Variants in SLC66A2 observed in about 807,000 individuals in gnomAD.
SLC66A2 encodes the protein PQ loop repeat containing 1.
Under a neutral mutation model 25.5 loss-of-function variants are expected in SLC66A2, and 23 were observed. The ratio of observed to expected loss-of-function variants is 0.90; its 90% CI spans 0.65 to 1.28. The LOEUF is 1.28. Ranked by LOEUF, SLC66A2 falls within the 50% of genes most tolerant of loss-of-function variation. The pLI, the probability that SLC66A2 is intolerant of heterozygous loss-of-function variation, is 0.00. For synonymous variants in SLC66A2, 193 were observed against 166.5 expected, an observed-to-expected ratio of 1.16 and a Z score of -1.23; for missense variants, 396 against 373.1, an observed-to-expected ratio of 1.06 and a Z score of -0.51.
chr18:79,923,434 TG>T (rs1388480043), intron 4 of SLC66A2, among the ~76,000 whole-genome samples: 1 of 151,996 alleles, frequency 6.6e-6, no homozygotes, highest in East Asian at 1.9e-4. Flanking sequence ...TTAAGAGACT[TG>T]GGAAAGCCAG....
rs1419034139 is a variant in SLC66A2 at position 79,918,467 on chromosome 18, T to G, written c.608+717A>C. 5.9e-5 allele frequency among the ~76,000 whole-genome samples: 8 copies of G among 135,184 alleles called. No individual in the cohort carries two copies. The highest frequency in any genetic ancestry group is 1.3e-4 in the African/African-American group (5 of 37,218). 88.7% of individuals were successfully genotyped at this position (135,184 alleles called of 152,430 possible). A position where few individuals can be genotyped will look rare whatever the true frequency, so the allele number is the denominator to read the frequency against. On this transcript the variant is annotated intron_variant, in intron 5 of 5. Transcript: ENST00000397778. The surrounding 1 kb of genome is among the most constrained non-coding windows in gnomAD (Gnocchi z 4.0). ...AGCGGGCACCGGGGAGGGTCCCCAGTGAGGAGCGGCACCGGGGGGTCCCCA... is the reference window on the plus strand; with the variant it reads ...AGCGGGCACCGGGGAGGGTCCCCAGGGAGGAGCGGCACCGGGGGGTCCCCA...
chr18:79,950,444 T>G (rs572535212), intron 2 of SLC66A2, among the ~76,000 whole-genome samples: 1 of 152,334 alleles, frequency 6.6e-6, no homozygotes, highest in South Asian at 2.1e-4. Flanking sequence ...AGTGCCCAGC[T>G]GAGAGGTCCC....
intron 2 of SLC66A2, 161 bp from the exon 3 acceptor site, chr18:79,943,623 A>G (rs1987907569): frequency 1.0e-5 from 8 of 768,830 alleles, no homozygotes; most frequent in Non-Finnish European, 1.6e-5. Flanking sequence ...AGGCCCACCC[A>G]CATCGCCTCT....
chr18:79,913,681 C>T (rs1242816289), intron 5 of SLC66A2, among the ~76,000 whole-genome samples: 2 of 152,186 alleles, frequency 1.3e-5, no homozygotes, highest in African/African-American at 2.4e-5. Context: ...CAGGACTTTC[C>T]AGAAGCAGGG....
In SLC66A2 at chr18:79,950,981, G is replaced by A. The variant is rs1168910265; in HGVS notation, c.-55C>T. ...GGGCTCCGCGCCCCGCGGGCCACCG[G>A]CCGCCTGCTCATCGCCGCTCCGCGC... is the stretch of plus-strand genomic sequence containing the variant. On this transcript the variant is annotated 5_prime_UTR_variant, in exon 2 of 6. Coordinates refer to ENST00000397778, the MANE Select transcript of SLC66A2 (RefSeq NM_025078.5). The A allele has an allele frequency of 3.2e-5, 44 of 1,361,256 alleles. No individual in the cohort carries two copies. The Admixed American group carries it at 1.3e-3, about 40-fold the overall frequency. 84.3% of individuals were successfully genotyped at this position (1,361,256 alleles called of 1,614,324 possible). A position where few individuals can be genotyped will look rare whatever the true frequency, so the allele number is the denominator to read the frequency against.
At chr18:79,942,852 C>T (rs1482555552) in intron 3 of SLC66A2, among the ~76,000 whole-genome samples, 2 of 152,206 alleles carry the variant, frequency 1.3e-5, no homozygotes, top group South Asian at 2.1e-4. Context: ...AAAGGGGCTG[C>T]CTGACCCTGC....
chr18:79,925,424 TA>T (rs1438335521), intron 4 of SLC66A2, among the ~76,000 whole-genome samples: 2 of 152,242 alleles, frequency 1.3e-5, no homozygotes, highest in Non-Finnish European at 2.9e-5. Context: ...GATGTGTTTC[TA>T]GAGAGCGGCA....
intron 2 of SLC66A2, among the ~76,000 whole-genome samples, chr18:79,944,954 G>A (rs373138346): frequency 0.11 from 13,767 of 126,840 alleles, 1,269 homozygotes; most frequent in Middle Eastern, 0.24. Flanking sequence ...ACACAGAGCA[G>A]AAGCAGGGGG....
chr18:79,948,828 G>A (rs2051019482), intron 2 of SLC66A2, among the ~76,000 whole-genome samples: 1 of 152,204 alleles, frequency 6.6e-6, no homozygotes, highest in Non-Finnish European at 1.5e-5. Context: ...AGCTGGGGCT[G>A]TAGCAGGTGG....
Position 79,941,036 on chromosome 18 carries a change from A to G in SLC66A2, c.337+2293T>C, listed in dbSNP as rs749771870. Among the ~76,000 whole-genome samples the G allele has an allele frequency of 6.6e-6, 1 of 152,108 alleles. No homozygotes were observed. Among genetic ancestry groups the G allele is most frequent in the Non-Finnish European group, 1.5e-5 (1 of 68,014 alleles). ...TTCCCAAATACTCCAGGCCTGAGGA[A>G]AGGGTGCCCCAGCTTCCTATCGCCT... On this transcript the variant is annotated intron_variant, in intron 3 of 5. Coordinates refer to ENST00000397778, the MANE Select transcript of SLC66A2 (RefSeq NM_025078.5). The surrounding 1 kb of genome is among the most constrained non-coding windows in gnomAD (Gnocchi z 4.1).
chr18:79,934,373 A>T (rs1320985792), intron 3 of SLC66A2, among the ~76,000 whole-genome samples: 2 of 152,258 alleles, frequency 1.3e-5, no homozygotes, highest in African/African-American at 4.8e-5. Flanking sequence ...GAAAGCAGCC[A>T]GGCAGATCCT....
Position 79,937,023 on chromosome 18 carries a change from G to C in SLC66A2, c.338-3001C>G, listed in dbSNP as rs114419127. On this transcript the variant is annotated intron_variant, in intron 3 of 5. Transcript: ENST00000397778. This position sits in a 1 kb window ranked among gnomAD's most constrained non-coding sequence, Gnocchi z 5.4. Reference sequence around the variant, plus strand: ...AAGGGAGGCAGAGCTCAGGCTAAGCGACACAGCCAGGCCTGGAGGTTTGAA... The same window carrying C: ...AAGGGAGGCAGAGCTCAGGCTAAGCCACACAGCCAGGCCTGGAGGTTTGAA... Among the ~76,000 whole-genome samples, 1 of 152,230 alleles carries C rather than the reference G, an allele frequency of 6.6e-6. No homozygotes were observed. The highest frequency in any genetic ancestry group is 2.4e-5 in the African/African-American group (1 of 41,536).
chr18:79,919,164 T>G lies in SLC66A2; in HGVS notation c.608+20A>C. On this transcript the variant is annotated intron_variant, in intron 5 of 5. Coordinates refer to ENST00000397778, the MANE Select transcript of SLC66A2 (RefSeq NM_025078.5). Reference sequence around the variant, plus strand: ...TGCCTCTGGAGCAGTGGTGCTTCCGTGGCGGCATCCCCGGCCTACCTCATG... The same window carrying G: ...TGCCTCTGGAGCAGTGGTGCTTCCGGGGCGGCATCCCCGGCCTACCTCATG... 6.2e-7 allele frequency: 1 copy of G among 1,607,476 alleles called. No homozygotes were observed.
At chr18:79,931,283 T>C (rs1237068700) in intron 4 of SLC66A2, among the ~76,000 whole-genome samples, 4 of 151,992 alleles carry the variant, frequency 2.6e-5, no homozygotes, top group Middle Eastern at 3.2e-3. Context: ...CCAGAATGGA[T>C]TTTTTTTAAA....
intron 3 of SLC66A2, among the ~76,000 whole-genome samples, chr18:79,938,879 T>C (rs1365247672): frequency 2.0e-5 from 3 of 152,186 alleles, no homozygotes; most frequent in Admixed American, 1.3e-4. Flanking sequence ...GGTTTCACCA[T>C]GTTGGCCAGG....
rs1407937511 is a variant in SLC66A2, at chr18:79,937,201, T to C, written c.338-3179A>G. 6.6e-6 allele frequency among the ~76,000 whole-genome samples: 1 copy of C among 152,174 alleles called. No individual in the cohort carries two copies. Among genetic ancestry groups the C allele is most frequent in the Non-Finnish European group, 1.5e-5 (1 of 68,028 alleles). On this transcript the variant is annotated intron_variant, in intron 3 of 5. Coordinates refer to ENST00000397778, the MANE Select transcript of SLC66A2 (RefSeq NM_025078.5). This position sits in a 1 kb window ranked among gnomAD's most constrained non-coding sequence, Gnocchi z 5.4. ...TGGTCTCCAAACACTGTGTCCCAGA[T>C]ACCAGAGCTCCTTGGAGAAACGACG...
chr18:79,939,163 T>C (rs1568331381), intron 3 of SLC66A2, among the ~76,000 whole-genome samples: 1 of 152,230 alleles, frequency 6.6e-6, no homozygotes, highest in South Asian at 2.1e-4. Context: ...AAAATCCCTA[T>C]AAAAGATAGC....
rs1036333120 is a variant in SLC66A2, at chr18:79,941,753, C to T, written c.337+1576G>A. ...GGCTGCTCTGCCTGGACACTCACAA[C>T]CTGCCGTCTCTGGGACCTCACATCA... On this transcript the variant is annotated intron_variant, in intron 3 of 5. Coordinates refer to ENST00000397778, the MANE Select transcript of SLC66A2 (RefSeq NM_025078.5). The surrounding 1 kb of genome is among the most constrained non-coding windows in gnomAD (Gnocchi z 4.1). 6.6e-6 allele frequency: 1 copy of T among 152,592 alleles called. No individual in the cohort carries two copies. The highest frequency in any genetic ancestry group is 2.4e-5 in the African/African-American group (1 of 41,452). The allele number at this position is 152,592 out of a possible 1,614,324, so 9.5% of individuals were successfully genotyped here.
chr18:79,950,914 C>T lies in SLC66A2; in HGVS notation c.13G>A (p.Gly5Ser). The T allele has an allele frequency of 6.4e-7, 1 of 1,570,566 alleles. No homozygotes were observed. The highest frequency in any genetic ancestry group is 1.8e-5 in the Admixed American group (1 of 54,242). The stretch of plus-strand genomic sequence containing the variant: ...AGTGGCACCAGGAGCCAGTCCAGGC[C>T]CTCGGCCTCCATCGCAGCGCCCGCC... Reference protein sequence around the residue: MEAEGLDWLLVPLHQ... With the variant: MEAESLDWLLVPLHQ... Residue 5 changes from glycine to serine, a missense_variant, in exon 2 of 6, where the codon GGC (glycine) becomes AGC (serine). Coordinates refer to ENST00000397778, the MANE Select transcript of SLC66A2 (RefSeq NM_025078.5).
Sources: allele counts gnomAD v4.1 joint callset (sites outside exome capture counted in the v4.1 genomes callset), GRCh38; gene constraint gnomAD v4.1.1; non-coding constraint Gnocchi (gnomAD v3.1); transcripts MANE v1.5; gene names NCBI Gene and HGNC (gene_info 2026-07-23, HGNC 2026-07-21).